NALF1: variants seen among roughly 807,000 people sequenced by gnomAD.
NALF1 encodes family with sequence similarity 155 member A.
NALF1 carries 3 observed loss-of-function variants against 48.4 expected under a neutral mutation model. The observed-to-expected ratio is 0.06, with a 90% CI of 0.03 to 0.16. The LOEUF is 0.16. NALF1 is among the 10% of genes least tolerant of loss of function. The pLI, the probability that NALF1 is intolerant of heterozygous loss-of-function variation, is 1.00. For missense variants in NALF1, 526 were observed against 571.5 expected (o/e 0.92, Z 0.81); for synonymous variants, 262 against 245.7 (o/e 1.07, Z -0.62).
Position 107,866,673 on chromosome 13 carries a change from T to A in NALF1, c.-77A>T. 2.5e-6 allele frequency: 3 copies of A among 1,223,778 alleles called. No individual in the cohort carries two copies. Among genetic ancestry groups the A allele is most frequent in the Non-Finnish European group, 3.4e-6 (3 of 875,126 alleles). The allele number at this position is 1,223,778 out of a possible 1,614,324, so 75.8% of individuals were successfully genotyped here. ...GGTGTCACCACAATATGCATTGACT[T>A]AAAGGGTTTAATTTCCTTATCCCCT... On this transcript the variant is annotated 5_prime_UTR_variant, in exon 1 of 3. Coordinates refer to ENST00000375915, the MANE Select transcript of NALF1 (RefSeq NM_001080396.3). This position sits in a 1 kb window ranked among gnomAD's most constrained non-coding sequence, Gnocchi z 4.4.
intron 1 of NALF1, among the ~76,000 whole-genome samples, chr13:107,448,121 C>A (rs1884680873): frequency 6.6e-6 from 1 of 152,132 alleles, no homozygotes; most frequent in African/African-American, 2.4e-5. Context: ...GCCTCTCAGT[C>A]AGGCTTTCTG....
At chr13:107,347,224 C>A (rs1015559342) in intron 1 of NALF1, among the ~76,000 whole-genome samples, 5 of 152,186 alleles carry the variant, frequency 3.3e-5, no homozygotes, top group African/African-American at 1.2e-4. Flanking sequence ...TGATGGCTTT[C>A]TGAGGCATTC....
chr13:107,596,684 G>C (rs1348239375), intron 1 of NALF1, among the ~76,000 whole-genome samples: 2 of 152,026 alleles, frequency 1.3e-5, no homozygotes, highest in African/African-American at 4.8e-5. Flanking sequence ...GGGGGTGGGG[G>C]ACTAGGGGGA....
intron 1 of NALF1, among the ~76,000 whole-genome samples, chr13:107,386,711 C>T (rs2138979098): frequency 6.6e-6 from 1 of 152,230 alleles, no homozygotes; most frequent in Non-Finnish European, 1.5e-5. Flanking sequence ...CAAATATGGC[C>T]ACAAATCTTT....
chr13:107,843,052 A>C (rs1880082495), intron 1 of NALF1, among the ~76,000 whole-genome samples: 1 of 152,196 alleles, frequency 6.6e-6, no homozygotes, highest in South Asian at 2.1e-4. Context: ...GGCAGTAGAA[A>C]TACATTTAAC....
At chr13:107,211,086 A>G (rs575697327) in intron 1 of NALF1, among the ~76,000 whole-genome samples, 108 of 152,218 alleles carry the variant, frequency 7.1e-4, no homozygotes, top group Non-Finnish European at 1.4e-3. Context: ...AGTAAAATAA[A>G]TAATTGACTC....
At chr13:107,416,233 T>C (rs1884086768) in intron 1 of NALF1, among the ~76,000 whole-genome samples, 1 of 151,680 alleles carries the variant, frequency 6.6e-6, no homozygotes, top group African/African-American at 2.4e-5. Context: ...GCCAGGATGG[T>C]CTCGATCTCC....
chr13:107,693,355 G>A (rs1425897034), intron 1 of NALF1, among the ~76,000 whole-genome samples: 1 of 151,380 alleles, frequency 6.6e-6, no homozygotes, highest in Non-Finnish European at 1.5e-5. Flanking sequence ...ATAGCATTAG[G>A]AGATATACCT....
In NALF1 at chr13:107,801,822, G is replaced by C. The variant is rs73585691; in HGVS notation, c.915+63860C>G. Among the ~76,000 whole-genome samples the C allele has an allele frequency of 1.4e-4, 22 of 151,984 alleles. 1 individual carries two copies. The highest frequency in any genetic ancestry group is 3.1e-4 in the Non-Finnish European group (21 of 68,026). ...TGAACATTTGCATAAACAGCCTTCC[G>C]AGTCGCCTTCTTCCTTCCCCTTTCC... On this transcript the variant is annotated intron_variant, in intron 1 of 2. Coordinates refer to ENST00000375915, the MANE Select transcript of NALF1 (RefSeq NM_001080396.3).
At chr13:107,480,929 C>T (rs143571946) in intron 1 of NALF1, among the ~76,000 whole-genome samples, 11 of 152,024 alleles carry the variant, frequency 7.2e-5, no homozygotes, top group Middle Eastern at 3.4e-3. Flanking sequence ...AATACTTCTA[C>T]GAAACCCACT....
chr13:107,822,458 C>G (rs1385620368), intron 1 of NALF1, among the ~76,000 whole-genome samples: 1 of 152,052 alleles, frequency 6.6e-6, no homozygotes, highest in African/African-American at 2.4e-5. Context: ...AAATGTAAGA[C>G]TTACTGAATC....
At chr13:107,688,786 T>C (rs745757950) in intron 1 of NALF1, among the ~76,000 whole-genome samples, 16 of 152,152 alleles carry the variant, frequency 1.1e-4, no homozygotes, top group Non-Finnish European at 1.5e-4. Context: ...GAAATTTCAA[T>C]GCATGGGCGA....
intron 1 of NALF1, among the ~76,000 whole-genome samples, chr13:107,301,714 A>C (rs1323355349): frequency 2.6e-5 from 4 of 152,290 alleles, no homozygotes; most frequent in Admixed American, 2.6e-4. Flanking sequence ...TCTTGAATTA[A>C]CATGTTTTGG....
chr13:107,718,592 A>G (rs1875890499), intron 1 of NALF1, among the ~76,000 whole-genome samples: 1 of 152,226 alleles, frequency 6.6e-6, no homozygotes, highest in Non-Finnish European at 1.5e-5. Flanking sequence ...AGAGCTTTAA[A>G]TGAGCACCAA....
intron 1 of NALF1, among the ~76,000 whole-genome samples, chr13:107,705,938 T>C (rs532256780): frequency 6.6e-6 from 1 of 152,164 alleles, no homozygotes; most frequent in East Asian, 1.9e-4. Flanking sequence ...AATGCAGATA[T>C]TTAAGAGAGA....
chr13:107,234,332 C>T (rs1036683926), intron 1 of NALF1, among the ~76,000 whole-genome samples: 14 of 152,298 alleles, frequency 9.2e-5, no homozygotes, highest in African/African-American at 3.4e-4. Flanking sequence ...GGTGACTTTG[C>T]CTGCTTTCCC....
intron 1 of NALF1, among the ~76,000 whole-genome samples, chr13:107,474,288 C>T (rs1033117405): frequency 2.8e-4 from 43 of 152,242 alleles, no homozygotes; most frequent in African/African-American, 9.9e-4. Context: ...AAACAAAATA[C>T]TTTTGATGTG....
At chr13:107,487,715 A>T (rs570210122) in intron 1 of NALF1, among the ~76,000 whole-genome samples, 3 of 152,220 alleles carry the variant, frequency 2.0e-5, no homozygotes, top group African/African-American at 7.2e-5. Context: ...GTTAATTTTG[A>T]TCAAGGATAT....
intron 1 of NALF1, among the ~76,000 whole-genome samples, chr13:107,611,208 C>T (rs749777128): frequency 6.6e-6 from 1 of 152,100 alleles, no homozygotes; most frequent in Non-Finnish European, 1.5e-5. Flanking sequence ...CAAGGAAAGG[C>T]GTTTTAGTCA....
Sources: allele counts gnomAD v4.1 joint callset (sites outside exome capture counted in the v4.1 genomes callset), GRCh38; gene constraint gnomAD v4.1.1; non-coding constraint Gnocchi (gnomAD v3.1); transcripts MANE v1.5; gene names NCBI Gene and HGNC (gene_info 2026-07-23, HGNC 2026-07-21).